GRAMD4: variants seen among roughly 807,000 people sequenced by gnomAD.
GRAMD4 encodes the protein GRAM domain containing 4, also known as GRAM domain-containing protein 4.
Under a neutral mutation model 83.9 loss-of-function variants are expected in GRAMD4, and 25 were observed. The ratio of observed to expected loss-of-function variants is 0.30; its 90% CI spans 0.22 to 0.42. The LOEUF (loss-of-function observed/expected upper bound fraction) is 0.42. Among genes scored for constraint, GRAMD4 ranks in the 10% least tolerant of loss-of-function variants. GRAMD4 has a pLI of 1.00. For synonymous variants in GRAMD4, 336 were observed against 320.9 expected (o/e 1.05, Z -0.50); for missense variants, 593 against 788.7 (o/e 0.75, Z 2.97).
At chr22:46,655,435 G>A (rs907012462) in intron 3 of GRAMD4, among the ~76,000 whole-genome samples, 1 of 152,206 alleles carries the variant, frequency 6.6e-6, no homozygotes, top group Admixed American at 6.5e-5. Context: ...CAGGAGCTGG[G>A]AGGCCGGTTA....
rs2081839141 is a variant in GRAMD4 at position 46,635,062 on chromosome 22, C to T, written c.163-2778C>T. On this transcript the variant is annotated intron_variant, in intron 2 of 18. Transcript: ENST00000406902. ...CTTCGTCCCTTTGTGGTTGGTACCA[C>T]CCCTGGCCACTCCTGTCTTGGGGAG... Among the ~76,000 whole-genome samples the T allele has an allele frequency of 2.0e-5, 3 of 149,032 alleles. No individual in the cohort carries two copies. The South Asian group carries it at 6.4e-4, about 32-fold the overall frequency.
intron 17 of GRAMD4, 121 bp from the exon 18 acceptor site, chr22:46,676,479 A>C: frequency 1.3e-6 from 1 of 771,876 alleles, no homozygotes; most frequent in Non-Finnish European, 2.2e-6. Context: ...TGGAAGTCCC[A>C]GGTGCCCGTG....
At chr22:46,670,074 CA>C (rs1162137437) in intron 13 of GRAMD4, among the ~76,000 whole-genome samples, 5 of 152,208 alleles carry the variant, frequency 3.3e-5, no homozygotes, top group Admixed American at 3.3e-4. Flanking sequence ...GCCACAAAGC[CA>C]GGGGTGGGGA....
chr22:46,639,192 G>C (rs2081936983), intron 3 of GRAMD4, among the ~76,000 whole-genome samples: 1 of 150,604 alleles, frequency 6.6e-6, no homozygotes, highest in Non-Finnish European at 1.5e-5. Context: ...ATGTACAGTG[G>C]TGGTTAACTC....
At position 46,658,220 on chromosome 22, in the gene GRAMD4, A is replaced by T; in HGVS notation, c.317A>T (p.Asn106Ile). The change falls in exon 4 of 19, where the codon AAC becomes ATC. Residue 106 changes from asparagine (N) to isoleucine (I), a missense_variant. Physicochemically the swap from Asn to Ile is moderately radical, Grantham distance 149. Coordinates refer to ENST00000406902, the MANE Select transcript of GRAMD4 (RefSeq NM_015124.5). Reference sequence around the variant, plus strand: ...CTCCGGAAGCTGCGAGAAGAAACCAACGCGGAGATGCTGCGGCAGGAGCTG... The same window carrying T: ...CTCCGGAAGCTGCGAGAAGAAACCATCGCGGAGATGCTGCGGCAGGAGCTG... ...EELRKLREET[N>I]AEMLRQELDR... 6.2e-7 allele frequency: 1 copy of T among 1,613,626 alleles called. No individual in the cohort carries two copies. Among genetic ancestry groups the T allele is most frequent in the East Asian group, 2.2e-5 (1 of 44,860 alleles).
At position 46,625,338 on chromosome 22, in the gene GRAMD4, G is replaced by A. The variant is rs570720107; in HGVS notation, c.-49-1413G>A. 2.0e-5 allele frequency among the ~76,000 whole-genome samples: 3 copies of A among 152,352 alleles called. No individual in the cohort carries two copies. In the South Asian group the frequency reaches 6.2e-4, roughly 32 times the overall value. ...GAGTCTTCTTGCCACGAACTGTGATGCTGAGGAGAGCGGAGGAGGCTTTGG... is the reference window on the plus strand; with the variant it reads ...GAGTCTTCTTGCCACGAACTGTGATACTGAGGAGAGCGGAGGAGGCTTTGG... On this transcript the variant is annotated intron_variant, in intron 1 of 18. Coordinates refer to ENST00000406902, the MANE Select transcript of GRAMD4 (RefSeq NM_015124.5).
intron 1 of GRAMD4, among the ~76,000 whole-genome samples, chr22:46,613,321 C>T (rs1027436707): frequency 1.3e-5 from 2 of 152,246 alleles, no homozygotes; most frequent in African/African-American, 4.8e-5. Context: ...CATGCCTGTG[C>T]TTGAGATGAT....
In GRAMD4 at chr22:46,666,778, A is replaced by G. The variant is rs1172977321; in HGVS notation, c.810-47A>G. 81 of 1,538,838 alleles carry G rather than the reference A, an allele frequency of 5.3e-5. No individual in the cohort carries two copies. In the Admixed American group the frequency reaches 1.3e-3, roughly 25 times the overall value. The stretch of plus-strand genomic sequence containing the variant: ...GCCAGCGATTCGATGCCTTCCCCTG[A>G]CTCAGGTGGCGCTGTCCTAAAGGTG... On this transcript the variant is annotated intron_variant, in intron 9 of 18. Coordinates refer to ENST00000406902, the MANE Select transcript of GRAMD4 (RefSeq NM_015124.5).
At chr22:46,587,873 G>A (rs983159734) in intron 1 of GRAMD4, 6 of 983,328 alleles carry the variant, frequency 6.1e-6, no homozygotes, top group Non-Finnish European at 7.2e-6. Flanking sequence ...CCCGGGCGTC[G>A]GGGTGGGGCC....
In GRAMD4 at chr22:46,646,900, A is replaced by G. The variant is rs576432327; in HGVS notation, c.283+8940A>G. The stretch of plus-strand genomic sequence containing the variant: ...AAGGAGGAGCAAGTCACATCTTACC[A>G]GATAGCAGCAGGCAAAGAGAGAGCT... On this transcript the variant is annotated intron_variant, in intron 3 of 18. Transcript: ENST00000406902. 6.1e-4 allele frequency among the ~76,000 whole-genome samples: 93 copies of G among 152,332 alleles called. No individual in the cohort carries two copies. The East Asian group carries it at 0.015, about 24-fold the overall frequency.
chr22:46,630,047 C>A lies in GRAMD4; in HGVS notation c.162+3086C>A, dbSNP rs1178515397. Among the ~76,000 whole-genome samples, 18 of 151,288 alleles carry A rather than the reference C, an allele frequency of 1.2e-4. 1 individual carries two copies. The highest frequency in any genetic ancestry group is 1.2e-3 in the Admixed American group (18 of 15,192). The stretch of plus-strand genomic sequence containing the variant: ...TTTCTTATTCTTTTTTTTTTTGAGA[C>A]AGAGTCTCACTCTGTCACCCAGGCT... On this transcript the variant is annotated intron_variant, in intron 2 of 18. Coordinates refer to ENST00000406902, the MANE Select transcript of GRAMD4 (RefSeq NM_015124.5).
upstream of GRAMD4, among the ~76,000 whole-genome samples, chr22:46,618,954 TCCGG>T (rs1253082454): frequency 2.6e-5 from 4 of 152,120 alleles, no homozygotes; most frequent in Non-Finnish European, 4.4e-5. The surrounding 1 kb of genome is among the most constrained non-coding windows in gnomAD (Gnocchi z 5.8). Flanking sequence ...TGGTGAGCTG[TCCGG>T]CTTGGAGCCT....
chr22:46,599,122 A>C (rs1370431951), intron 1 of GRAMD4, among the ~76,000 whole-genome samples: 1 of 152,074 alleles, frequency 6.6e-6, no homozygotes, highest in Non-Finnish European at 1.5e-5. Context: ...AACCCCTAGC[A>C]CACAAGAAGT....
chr22:46,622,930 A>C lies in GRAMD4; in HGVS notation c.-50+2365A>C, dbSNP rs1258773526. ...CCATCTCTAAAAAAAAAAAAAAAAA[A>C]ACTGATGAAATTGGTAATATTTATA... On this transcript the variant is annotated intron_variant, in intron 1 of 18. Transcript: ENST00000406902. This position sits in a 1 kb window ranked among gnomAD's most constrained non-coding sequence, Gnocchi z 4.0. Among the ~76,000 whole-genome samples the C allele has an allele frequency of 3.3e-5, 5 of 151,872 alleles. No individual in the cohort carries two copies. In the East Asian group the frequency reaches 9.7e-4, roughly 29 times the overall value.
chr22:46,597,123 G>A (rs2081269436), intron 1 of GRAMD4, among the ~76,000 whole-genome samples: 1 of 152,208 alleles, frequency 6.6e-6, no homozygotes, highest in African/African-American at 2.4e-5. Context: ...GAGCTGCAAA[G>A]TGGCTCAGCA....
chr22:46,630,200 A>AT (rs1406542135), intron 2 of GRAMD4, among the ~76,000 whole-genome samples: 2 of 151,754 alleles, frequency 1.3e-5, no homozygotes, highest in Non-Finnish European at 2.9e-5. Flanking sequence ...AATATTTTGT[A>AT]TTTTTATTAG....
chr22:46,611,216 C>CA (rs57021762), intron 1 of GRAMD4, among the ~76,000 whole-genome samples: 80,827 of 143,010 alleles, frequency 0.57, 22,903 homozygotes, highest in East Asian at 0.86. Flanking sequence ...AACTCCATCT[C>CA]AAAAAAAAAA....
At chr22:46,619,501 CTCATGTTCTTAT>C (rs1382177057), upstream of GRAMD4, among the ~76,000 whole-genome samples, 2 of 152,294 alleles carry the variant, frequency 1.3e-5, no homozygotes, top group Non-Finnish European at 1.5e-5. Context: ...ACCACGCTGG[CTCATGTTCTTAT>C]TTCACTTTCT....
At chr22:46,592,346 G>C (rs557488448) in intron 1 of GRAMD4, among the ~76,000 whole-genome samples, 1 of 152,164 alleles carries the variant, frequency 6.6e-6, no homozygotes, top group South Asian at 2.1e-4. Context: ...GCAGGGGTGC[G>C]TGTCTGTGGT....
Sources: allele counts gnomAD v4.1 joint callset (sites outside exome capture counted in the v4.1 genomes callset), GRCh38; gene constraint gnomAD v4.1.1; non-coding constraint Gnocchi (gnomAD v3.1); transcripts MANE v1.5; gene names NCBI Gene and HGNC (gene_info 2026-07-23, HGNC 2026-07-21).